The following DPY19L3 variants were observed in gnomAD, a reference collection of about 807,000 sequenced individuals.
DPY19L3 encodes protein C-mannosyl-transferase DPY19L3.
In DPY19L3, 51 loss-of-function variants were observed where a neutral mutation model predicts 92.3. That is an observed-to-expected ratio of 0.55 (90% confidence interval 0.44 to 0.70). DPY19L3 has a LOEUF of 0.70. DPY19L3 is among the 30% of genes least tolerant of loss of function. The probability of loss-of-function intolerance (pLI) is 0.00; values close to 1 mark genes in which losing one functional copy is unlikely to be tolerated. For synonymous variants in DPY19L3, 309 were observed against 315.2 expected (o/e 0.98, Z 0.21); for missense variants, 706 against 855.9 (o/e 0.82, Z 2.18).
chr19:32,435,720 TCTC>T (rs1025353174), intron 4 of DPY19L3, among the ~76,000 whole-genome samples: 4 of 152,228 alleles, frequency 2.6e-5, no homozygotes, highest in Non-Finnish European at 5.9e-5. Context: ...TTGAGGATCT[TCTC>T]CTGTGTGGAA....
At chr19:32,472,131 A>T (rs752120398) in intron 16 of DPY19L3, among the ~76,000 whole-genome samples, 12 of 152,182 alleles carry the variant, frequency 7.9e-5, no homozygotes, top group South Asian at 4.1e-4. Context: ...TGGCTTAGCA[A>T]GTTCAGTGGG....
chr19:32,414,424 A>C (rs905638410), intron 3 of DPY19L3, among the ~76,000 whole-genome samples: 16 of 151,008 alleles, frequency 1.1e-4, no homozygotes, highest in Non-Finnish European at 1.5e-4. Context: ...CCAAAAAAAA[A>C]AAACAAACAA....
rs117482903 is a variant in DPY19L3, at chr19:32,474,836, C to A, written c.1698-2686C>A. Among the ~76,000 whole-genome samples, 1,280 of 152,288 alleles carry A rather than the reference C, an allele frequency of 8.4e-3. 14 individuals are homozygous for A. The highest frequency in any genetic ancestry group is 0.012 in the Non-Finnish European group (795 of 68,016). Reference sequence around the variant, plus strand: ...GGCTCCTGACCTCAAGTGATCTCCCCACCTGGCCGTCCAAAGTGCTGGGAT... The same window carrying A: ...GGCTCCTGACCTCAAGTGATCTCCCAACCTGGCCGTCCAAAGTGCTGGGAT... On this transcript the variant is annotated intron_variant, in intron 16 of 18. Coordinates refer to ENST00000392250, the MANE Select transcript of DPY19L3 (RefSeq NM_001172774.2).
chr19:32,477,349 C>T, intron 16 of DPY19L3, 173 bp from the exon 17 acceptor site: 1 of 711,342 alleles, frequency 1.4e-6, no homozygotes, highest in Non-Finnish European at 2.2e-6. Flanking sequence ...ATTACTTTTG[C>T]ACTCAATAGT....
intron 16 of DPY19L3, among the ~76,000 whole-genome samples, chr19:32,470,601 A>G (rs1970327082): frequency 6.6e-6 from 1 of 152,186 alleles, no homozygotes; most frequent in Admixed American, 6.5e-5. Flanking sequence ...TTTTCCCCAC[A>G]GAAAATTAAA....
At chr19:32,444,837 C>T (rs1049125862) in intron 8 of DPY19L3, among the ~76,000 whole-genome samples, 1 of 151,966 alleles carries the variant, frequency 6.6e-6, no homozygotes, top group African/African-American at 2.4e-5. Flanking sequence ...AATCCCAGCA[C>T]TTTTGGAGGC....
At chr19:32,431,914 G>A (rs886174387) in intron 3 of DPY19L3, among the ~76,000 whole-genome samples, 2 of 152,042 alleles carry the variant, frequency 1.3e-5, no homozygotes, top group Non-Finnish European at 2.9e-5. Flanking sequence ...CATCAATACG[G>A]TGAAAAAAAT....
intron 15 of DPY19L3, chr19:32,468,331 A>T (rs758219187): frequency 1.1e-5 from 11 of 990,446 alleles, no homozygotes; most frequent in Non-Finnish European, 1.3e-5. Context: ...TTCTACTTTT[A>T]GGGGTAAATT....
chr19:32,414,699 G>T (rs1017982124), intron 3 of DPY19L3, among the ~76,000 whole-genome samples: 11 of 152,204 alleles, frequency 7.2e-5, no homozygotes, highest in Non-Finnish European at 1.0e-4. Flanking sequence ...ATCTCTGTGT[G>T]AGCAGATAGC....
chr19:32,411,707 A>G (rs1968189617), intron 3 of DPY19L3: 3 of 305,622 alleles, frequency 9.8e-6, no homozygotes, highest in African/African-American at 4.3e-5. Context: ...AGCTGGGACT[A>G]TAGGTGCGTG....
chr19:32,424,331 AAG>A (rs1491267652), intron 3 of DPY19L3, among the ~76,000 whole-genome samples: 24 of 151,340 alleles, frequency 1.6e-4, no homozygotes, highest in Middle Eastern at 3.4e-3. Context: ...AAAAAAAAAA[AAG>A]AAATAAATAA....
intron 3 of DPY19L3, chr19:32,428,205 C>G (rs1247951111): frequency 6.6e-6 from 1 of 152,238 alleles, no homozygotes; most frequent in Non-Finnish European, 1.5e-5. Context: ...CTCCTGACCT[C>G]AGGTGATCTG....
At chr19:32,426,822 A>G (rs1599606152) in intron 3 of DPY19L3, among the ~76,000 whole-genome samples, 2 of 152,364 alleles carry the variant, frequency 1.3e-5, no homozygotes, top group Middle Eastern at 6.8e-3. Context: ...AAAGTGAGCA[A>G]TAGCTGTTGC....
At chr19:32,428,763 G>C (rs1388252176) in intron 3 of DPY19L3, among the ~76,000 whole-genome samples, 1 of 151,602 alleles carries the variant, frequency 6.6e-6, no homozygotes, top group Non-Finnish European at 1.5e-5. Flanking sequence ...TTTTTTGTGT[G>C]TGTGTACATC....
At chr19:32,413,539 C>T (rs867861288) in intron 3 of DPY19L3, among the ~76,000 whole-genome samples, 11 of 151,458 alleles carry the variant, frequency 7.3e-5, no homozygotes, top group African/African-American at 7.3e-5. Flanking sequence ...CATGCTGGTG[C>T]GCTGCACCCA....
chr19:32,470,849 TTCTATTGTGA>T (rs1347201777), intron 16 of DPY19L3, among the ~76,000 whole-genome samples: 1 of 151,208 alleles, frequency 6.6e-6, no homozygotes, highest in Non-Finnish European at 1.5e-5. Flanking sequence ...AAAAAATTTG[TTCTATTGTGA>T]TCTAGTCTCA....
chr19:32,445,309 C>A (rs1414568975), intron 8 of DPY19L3, among the ~76,000 whole-genome samples: 1 of 151,554 alleles, frequency 6.6e-6, no homozygotes, highest in Non-Finnish European at 1.5e-5. Context: ...GGCATGGTGG[C>A]AGGCGCTTGT....
chr19:32,433,061 G>A (rs1969022451), intron 4 of DPY19L3, among the ~76,000 whole-genome samples: 1 of 152,086 alleles, frequency 6.6e-6, no homozygotes, highest in Non-Finnish European at 1.5e-5. Flanking sequence ...TGGTTTTGTT[G>A]CTGAATTTTC....
Position 32,483,467 on chromosome 19 carries a change from T to A in DPY19L3, c.*1227T>A, listed in dbSNP as rs949059867. ...AGAACATAGTATGCATTTAATTAAA[T>A]CAAGATGGCTAATGGAATTAACTTT... is the stretch of plus-strand genomic sequence containing the variant. On this transcript the variant is annotated 3_prime_UTR_variant, in exon 19 of 19. Transcript: ENST00000392250. The A allele has an allele frequency of 4.6e-5, 7 of 152,644 alleles. No individual in the cohort carries two copies. Among genetic ancestry groups the A allele is most frequent in the African/African-American group, 1.7e-4 (7 of 41,454 alleles). 9.5% of individuals were successfully genotyped at this position (152,644 alleles called of 1,614,324 possible). A position where few individuals can be genotyped will look rare whatever the true frequency, so the allele number is the denominator to read the frequency against.
Sources: gnomAD v4.1 joint callset for allele counts (sites outside exome capture counted in the v4.1 genomes callset) on GRCh38, gnomAD v4.1.1 for gene constraint, MANE v1.5 for transcripts, NCBI Gene and HGNC (gene_info 2026-07-23, HGNC 2026-07-21) for gene names.